TMPRSS7: variants seen among roughly 807,000 people sequenced by gnomAD.
TMPRSS7 encodes transmembrane protease serine 7.
TMPRSS7 carries 81 observed loss-of-function variants against 95.6 expected under a neutral mutation model. That is an observed-to-expected ratio of 0.85 (90% CI 0.71 to 1.02). TMPRSS7 has a LOEUF of 1.02. Ranked by LOEUF, TMPRSS7 falls within the 50% of genes least tolerant of loss-of-function variation. TMPRSS7 has a pLI of 0.00. For missense variants in TMPRSS7, 945 were observed against 955.2 expected (o/e 0.99, Z 0.14); for synonymous variants, 364 against 337.8 (o/e 1.08, Z -0.85).
chr3:112,045,828 T>C (rs1475923085), exon 5 of TMPRSS7: 11 of 1,551,774 alleles, frequency 7.1e-6, no homozygotes, highest in African/African-American at 1.4e-5. Flanking sequence ...ACATCTTCTG[T>C]GAAGACTGTG....
At chr3:112,081,093 G>A in exon 18 of TMPRSS7, 1 of 1,587,502 alleles carries the variant, frequency 6.3e-7, no homozygotes. Context: ...AATTGTACCA[G>A]TTGTATTTTT....
chr3:112,073,023 C>T (rs904756926), intron 13 of TMPRSS7, among the ~76,000 whole-genome samples: 2 of 152,076 alleles, frequency 1.3e-5, no homozygotes, highest in African/African-American at 4.8e-5. Flanking sequence ...CTAATTTACA[C>T]TCCCGCCAAC....
At chr3:112,061,966 T>C (rs771221099) in intron 11 of TMPRSS7, 43 bp downstream of exon 11, 1 of 1,502,350 alleles carries the variant, frequency 6.7e-7, no homozygotes, top group East Asian at 2.4e-5. Context: ...AATACTTACA[T>C]AGAGGATAAC....
intron 3 of TMPRSS7, chr3:112,042,967 G>A: frequency 4.4e-6 from 2 of 455,478 alleles, no homozygotes; most frequent in South Asian, 3.1e-5. Context: ...CACAATGACT[G>A]GCTGTGTAGA....
At chr3:112,061,730 G>A in intron 10 of TMPRSS7, 57 bp from the exon 11 acceptor site, 1 of 1,531,828 alleles carries the variant, frequency 6.5e-7, no homozygotes, top group Non-Finnish European at 8.8e-7. Context: ...ACCATGAATG[G>A]GAATTCAGTC....
intron 13 of TMPRSS7, among the ~76,000 whole-genome samples, chr3:112,067,444 C>G (rs962535079): frequency 6.6e-6 from 1 of 152,310 alleles, no homozygotes; most frequent in South Asian, 2.1e-4. Flanking sequence ...ACACTCCCAC[C>G]AACAGTGTAA....
intron 17 of TMPRSS7, 50 bp from the exon 18 acceptor site, chr3:112,080,864 G>T (rs779683276): frequency 1.2e-5 from 18 of 1,542,584 alleles, no homozygotes; most frequent in African/African-American, 2.8e-5. Context: ...AGATGAAACT[G>T]ATGATCATGG....
rs142185504 is a variant in TMPRSS7, at chr3:112,055,454, G to GACACACACACACACACACAC, written c.1204-1560_1204-1559insCACACACACACACACACACA. Among the ~76,000 whole-genome samples the GACACACACACACACACACAC allele has an allele frequency of 7.9e-3, 1,172 of 148,910 alleles. 13 individuals carry two copies. The highest frequency in any genetic ancestry group is 0.014 in the South Asian group (64 of 4,616). ...TTGGAAACAAGCAAACACTTGCGCA[G>GACACACACACACACACACAC]ACACACACACAGACACACACACACA... On this transcript the variant is annotated intron_variant, in intron 9 of 17. Transcript: ENST00000452346.
At chr3:112,057,502 G>A (rs17503000) in intron 10 of TMPRSS7, among the ~76,000 whole-genome samples, 35,342 of 152,090 alleles carry the variant, frequency 0.23, 4,285 homozygotes, top group Middle Eastern at 0.27. Context: ...TGGTAGGAAA[G>A]TCCCAGTTGG....
intron 10 of TMPRSS7, among the ~76,000 whole-genome samples, chr3:112,057,745 A>C (rs899950337): frequency 1.3e-5 from 2 of 152,026 alleles, no homozygotes; most frequent in Non-Finnish European, 2.9e-5. Flanking sequence ...TATTTTTTTG[A>C]GACAGAGTTT....
chr3:112,042,001 A>G lies in TMPRSS7; in HGVS notation c.380A>G (p.Gln127Arg), dbSNP rs776119278. Residue 127 changes from glutamine to arginine, a missense_variant, in exon 3 of 18, where the codon CAA becomes CGA. By Grantham distance (43) the Gln-to-Arg change is conservative. Coordinates refer to ENST00000452346, the Ensembl canonical transcript of TMPRSS7. ...ATTGAGTTTCTTCCCGAATACCGAC[A>G]AAAGGAGTCCAGGGAATTTCTTTCA... 4.1e-5 allele frequency: 64 copies of G among 1,551,466 alleles called. No homozygotes were observed. Among genetic ancestry groups the G allele is most frequent in the Non-Finnish European group, 5.2e-5 (60 of 1,146,938 alleles).
At chr3:112,036,112 C>T (rs1559949795) in intron 1 of TMPRSS7, among the ~76,000 whole-genome samples, 1 of 152,164 alleles carries the variant, frequency 6.6e-6, no homozygotes, top group South Asian at 2.1e-4. Flanking sequence ...ATCACCTTTA[C>T]TTTTCCTTCC....
chr3:112,081,080 T>A lies in TMPRSS7; in HGVS notation c.2528T>A (p.Leu843Ter). 1 of 1,597,706 alleles carries A rather than the reference T, an allele frequency of 6.3e-7. No individual in the cohort carries two copies. The highest frequency in any genetic ancestry group is 8.5e-7 in the Non-Finnish European group (1 of 1,174,952). Residue 843 changes from leucine to a stop codon, truncating the protein, a stop_gained, in exon 18 of 18, where the codon TTG becomes TAG. Transcript: ENST00000452346. LOFTEE classifies it high-confidence loss of function. Reference sequence around the variant, plus strand: ...ATTCATAAATATGTCCCTTCTCTTTTGTAATTGTACCAGTTGTATTTTTAC... The same window carrying A: ...ATTCATAAATATGTCCCTTCTCTTTAGTAATTGTACCAGTTGTATTTTTAC...
chr3:112,065,999 G>A (rs1046296696), intron 12 of TMPRSS7, among the ~76,000 whole-genome samples: 3 of 152,162 alleles, frequency 2.0e-5, no homozygotes, highest in Non-Finnish European at 2.9e-5. Context: ...GGGGCTTGAG[G>A]TACGGAGATG....
At chr3:112,066,360 C>A (rs553143277) in intron 12 of TMPRSS7, 32 bp from the exon 13 acceptor site, 1 of 1,599,704 alleles carries the variant, frequency 6.3e-7, no homozygotes, top group Non-Finnish European at 8.6e-7. Flanking sequence ...GTCTCAGGCT[C>A]GTGAACTTTC....
At chr3:112,063,958 T>G (rs569323749) in intron 12 of TMPRSS7, among the ~76,000 whole-genome samples, 2 of 152,274 alleles carry the variant, frequency 1.3e-5, no homozygotes, top group East Asian at 3.9e-4. Flanking sequence ...GTCATGGCAG[T>G]GGCAAAAGGA....
chr3:112,037,799 C>G (rs2073162260), intron 1 of TMPRSS7, among the ~76,000 whole-genome samples: 1 of 152,094 alleles, frequency 6.6e-6, no homozygotes, highest in South Asian at 2.1e-4. Flanking sequence ...AGAAAAGAAC[C>G]TACATTGAAA....
At chr3:112,047,890 C>G (rs749033644) in exon 7 of TMPRSS7, 1 of 1,614,060 alleles carries the variant, frequency 6.2e-7, no homozygotes, top group South Asian at 1.1e-5. Flanking sequence ...CCATCCAAAT[C>G]GAAGCCGACA....
chr3:112,041,420 G>A (rs899744886), intron 2 of TMPRSS7, among the ~76,000 whole-genome samples: 1 of 152,062 alleles, frequency 6.6e-6, no homozygotes, highest in Non-Finnish European at 1.5e-5. Flanking sequence ...GTGCTAAGAG[G>A]AAATATTCTC....
Sources: gnomAD v4.1 joint callset for allele counts (sites outside exome capture counted in the v4.1 genomes callset) on GRCh38, gnomAD v4.1.1 for gene constraint, MANE v1.5 for transcripts, NCBI Gene and HGNC (gene_info 2026-07-23, HGNC 2026-07-21) for gene names.